Variants in ADAMTSL1 observed in about 807,000 individuals in gnomAD.
The protein encoded by ADAMTSL1 is ADAMTS-like protein 1.
In ADAMTSL1, 126 loss-of-function variants were observed where a neutral mutation model predicts 201.8. The observed-to-expected ratio is 0.62, with a 90% confidence interval of 0.54 to 0.72. The LOEUF is 0.72. Among genes scored for constraint, ADAMTSL1 ranks in the 30% least tolerant of loss-of-function variants. ADAMTSL1 has a pLI of 0.00. For missense variants in ADAMTSL1, 2,679 were observed against 2,277.8 expected (o/e 1.18, Z -3.59); for synonymous variants, 1,121 against 903.4 (o/e 1.24, Z -4.32).
intron 1 of ADAMTSL1, among the ~76,000 whole-genome samples, chr9:17,915,818 C>T (rs548180495): frequency 1.3e-5 from 2 of 152,138 alleles, no homozygotes; most frequent in African/African-American, 4.8e-5. Context: ...TGTTTTCATA[C>T]GTTTAGAATC....
At chr9:17,978,161 C>A (rs12006168) in intron 1 of ADAMTSL1, among the ~76,000 whole-genome samples, 5,547 of 151,842 alleles carry the variant, frequency 0.037, 379 homozygotes, top group African/African-American at 0.13. Context: ...TATCTTTTTC[C>A]ATTTCTTTAT....
chr9:18,452,900 C>T (rs529395109), intron 2 of ADAMTSL1, among the ~76,000 whole-genome samples: 1 of 152,358 alleles, frequency 6.6e-6, no homozygotes, highest in Non-Finnish European at 1.5e-5. Context: ...ACAGCTCTGA[C>T]AGCCTGAAGC....
At chr9:18,348,911 C>A (rs900459242) in intron 2 of ADAMTSL1, among the ~76,000 whole-genome samples, 1 of 152,140 alleles carries the variant, frequency 6.6e-6, no homozygotes, top group African/African-American at 2.4e-5. Flanking sequence ...ATTTATTGAA[C>A]GTGTATTGCC....
chr9:18,471,884 A>C (rs1254234929), upstream of ADAMTSL1, among the ~76,000 whole-genome samples: 1 of 152,238 alleles, frequency 6.6e-6, no homozygotes, highest in Non-Finnish European at 1.5e-5. Flanking sequence ...GGCAGTATTT[A>C]TTTGCAAAGC....
In ADAMTSL1 at chr9:17,975,054, A is replaced by G. The variant is rs74498918; in HGVS notation, c.87+68132A>G. 9.3e-3 allele frequency among the ~76,000 whole-genome samples: 1,414 copies of G among 151,712 alleles called. 22 individuals are homozygous for G. The highest frequency in any genetic ancestry group is 0.033 in the African/African-American group (1,349 of 41,350). On this transcript the variant is annotated intron_variant, in intron 1 of 29. Transcript: ENST00000680146. ...AACCTTCATCTTTGTGATAGTAACC[A>G]CTCCAAGAGATGCAAAGTGGTATTT...
intron 1 of ADAMTSL1, among the ~76,000 whole-genome samples, chr9:18,134,607 T>G (rs1826079691): frequency 1.3e-5 from 2 of 152,174 alleles, no homozygotes; most frequent in Non-Finnish European, 2.9e-5. Flanking sequence ...GAAGCACACA[T>G]TTGACACTGA....
intron 22 of ADAMTSL1, among the ~76,000 whole-genome samples, chr9:18,827,953 A>G (rs148294627): frequency 1.1e-3 from 172 of 152,328 alleles, no homozygotes; most frequent in Non-Finnish European, 1.7e-3. Flanking sequence ...CATCAAAGCA[A>G]TGTCTCATTT....
intron 16 of ADAMTSL1, among the ~76,000 whole-genome samples, chr9:18,769,056 C>T (rs1166791659): frequency 6.6e-6 from 1 of 152,296 alleles, no homozygotes; most frequent in East Asian, 1.9e-4. Context: ...GGCATCGGTA[C>T]TTTTTAAAAG....
At chr9:18,729,648 T>C (rs540970937) in intron 15 of ADAMTSL1, among the ~76,000 whole-genome samples, 7 of 152,120 alleles carry the variant, frequency 4.6e-5, no homozygotes, top group Non-Finnish European at 1.0e-4. Flanking sequence ...CAAATGTCTA[T>C]TGAATGCCTG....
intron 26 of ADAMTSL1, among the ~76,000 whole-genome samples, chr9:18,902,733 AG>A (rs2131610227): frequency 6.6e-6 from 1 of 152,302 alleles, no homozygotes; most frequent in African/African-American, 2.4e-5. Context: ...CTAGCAGAAG[AG>A]GATAATAAAG....
chr9:18,180,269 C>T (rs578021911), intron 2 of ADAMTSL1, among the ~76,000 whole-genome samples: 1 of 152,204 alleles, frequency 6.6e-6, no homozygotes, highest in African/African-American at 2.4e-5. Flanking sequence ...CACGGTGGCT[C>T]ACGCCTGTAA....
At chr9:18,878,431 T>C (rs1278794835) in intron 23 of ADAMTSL1, among the ~76,000 whole-genome samples, 1 of 152,222 alleles carries the variant, frequency 6.6e-6, no homozygotes, top group Admixed American at 6.5e-5. Flanking sequence ...AAGTCAGAAA[T>C]GGCTTCCCCA....
At chr9:18,716,414 G>A (rs1832935727) in intron 14 of ADAMTSL1, among the ~76,000 whole-genome samples, 2 of 152,058 alleles carry the variant, frequency 1.3e-5, no homozygotes, top group South Asian at 4.1e-4. Context: ...AACCCCATCA[G>A]AAAGTGGGCA....
chr9:17,967,388 T>G (rs1028169222), intron 1 of ADAMTSL1, among the ~76,000 whole-genome samples: 1 of 152,160 alleles, frequency 6.6e-6, no homozygotes, highest in Admixed American at 6.6e-5. Context: ...CTTATGTTCT[T>G]TAGATTCATC....
At chr9:18,153,579 A>G (rs1298201469) in intron 1 of ADAMTSL1, among the ~76,000 whole-genome samples, 1 of 151,996 alleles carries the variant, frequency 6.6e-6, no homozygotes. Context: ...ACTTGGTTCA[A>G]TGCAGGGAAG....
chr9:18,668,374 A>G lies in ADAMTSL1; in HGVS notation c.1085+6301A>G, dbSNP rs182557195. On this transcript the variant is annotated intron_variant, in intron 9 of 28. Coordinates refer to ENST00000380548, the MANE Select transcript of ADAMTSL1 (RefSeq NM_001040272.6). Reference sequence around the variant, plus strand: ...ACACCACACATCATCAGACAATCACATAATCAACTATAACTCAATTATCTG... The same window carrying G: ...ACACCACACATCATCAGACAATCACGTAATCAACTATAACTCAATTATCTG... Among the ~76,000 whole-genome samples the G allele has an allele frequency of 3.9e-5, 6 of 152,302 alleles. No homozygotes were observed. In the East Asian group the frequency reaches 5.8e-4, roughly 15 times the overall value.
intron 16 of ADAMTSL1, among the ~76,000 whole-genome samples, chr9:18,762,375 T>C (rs985940605): frequency 6.6e-6 from 1 of 152,170 alleles, no homozygotes; most frequent in African/African-American, 2.4e-5. Context: ...AAATTAATTC[T>C]TGTGGGTAAT....
intron 2 of ADAMTSL1, among the ~76,000 whole-genome samples, chr9:18,365,526 G>C (rs893207587): frequency 6.6e-6 from 1 of 152,146 alleles, no homozygotes; most frequent in African/African-American, 2.4e-5. Context: ...AGACTGTCAT[G>C]CACATCATAT....
intron 2 of ADAMTSL1, among the ~76,000 whole-genome samples, chr9:18,521,757 AAAT>A (rs1460560122): frequency 6.6e-6 from 1 of 152,200 alleles, no homozygotes; most frequent in African/African-American, 2.4e-5. Context: ...AATTAGAATT[AAAT>A]AATAATTATT....
Sources: allele counts gnomAD v4.1 joint callset (sites outside exome capture counted in the v4.1 genomes callset), GRCh38; gene constraint gnomAD v4.1.1; transcripts MANE v1.5; gene names NCBI Gene and HGNC (gene_info 2026-07-23, HGNC 2026-07-21).